The following CSMD1 variants were observed in gnomAD, a reference collection of about 807,000 sequenced individuals.
CSMD1 encodes CUB and Sushi multiple domains 1.
In CSMD1, 213 loss-of-function variants were observed where a neutral mutation model predicts 417.5. The ratio of observed to expected loss-of-function variants is 0.51; its 90% CI spans 0.46 to 0.57. CSMD1 has a LOEUF of 0.57. Ranked by LOEUF, CSMD1 falls within the 20% of genes least tolerant of loss-of-function variation. The pLI is 0.00. For missense variants in CSMD1, 6,923 were observed against 4,529.7 expected, an observed-to-expected ratio of 1.53 and a Z score of -15.17; for synonymous variants, 2,862 against 1,736.8, an observed-to-expected ratio of 1.65 and a Z score of -16.11.
chr8:4,137,073 C>T (rs915909427), intron 3 of CSMD1, among the ~76,000 whole-genome samples: 3 of 152,184 alleles, frequency 2.0e-5, no homozygotes, highest in African/African-American at 7.2e-5. Flanking sequence ...TCCTTTGCTA[C>T]TTCCCTTAGT....
intron 5 of CSMD1, among the ~76,000 whole-genome samples, chr8:3,920,222 A>G (rs574805061): frequency 6.6e-6 from 1 of 152,120 alleles, no homozygotes; most frequent in East Asian, 1.9e-4. Context: ...TTTAGTAAAG[A>G]CAGGGTCTCA....
At chr8:3,592,725 T>G (rs1410631105) in intron 8 of CSMD1, among the ~76,000 whole-genome samples, 1 of 151,984 alleles carries the variant, frequency 6.6e-6, no homozygotes, top group East Asian at 1.9e-4. Flanking sequence ...TGCACAGCTT[T>G]GATTTTTCTT....
chr8:3,967,582 G>A (rs148487852), intron 5 of CSMD1, among the ~76,000 whole-genome samples: 33 of 152,276 alleles, frequency 2.2e-4, no homozygotes, highest in African/African-American at 7.5e-4. Flanking sequence ...CTTGACCTCT[G>A]TGTAGAGTCA....
chr8:3,695,462 G>C (rs1477633578), intron 7 of CSMD1, among the ~76,000 whole-genome samples: 2 of 152,066 alleles, frequency 1.3e-5, no homozygotes, highest in Admixed American at 6.6e-5. Flanking sequence ...ATAAAATCAT[G>C]AGAAATACAA....
intron 46 of CSMD1, among the ~76,000 whole-genome samples, chr8:3,097,903 T>C (rs1204281028): frequency 6.6e-6 from 1 of 152,224 alleles, no homozygotes; most frequent in Non-Finnish European, 1.5e-5. Flanking sequence ...TCCTAAGGGA[T>C]GAATTAATTG....
At chr8:4,271,941 A>G (rs1049385726) in intron 3 of CSMD1, among the ~76,000 whole-genome samples, 4 of 152,156 alleles carry the variant, frequency 2.6e-5, no homozygotes, top group African/African-American at 9.7e-5. Flanking sequence ...TACCTGCCCT[A>G]CAGATCTCAT....
chr8:3,347,203 G>C (rs1808069677), intron 22 of CSMD1, among the ~76,000 whole-genome samples: 1 of 152,252 alleles, frequency 6.6e-6, no homozygotes. Flanking sequence ...TAGTATTATA[G>C]CATTAGCTCT....
chr8:3,423,605 G>C (rs1409281356), intron 12 of CSMD1, among the ~76,000 whole-genome samples: 1 of 152,066 alleles, frequency 6.6e-6, no homozygotes, highest in Non-Finnish European at 1.5e-5. Context: ...CCACTCTGTG[G>C]CTTTGGCACC....
intron 1 of CSMD1, among the ~76,000 whole-genome samples, chr8:4,663,773 G>T (rs1232764932): frequency 1.3e-5 from 2 of 152,136 alleles, no homozygotes; most frequent in Non-Finnish European, 2.9e-5. Flanking sequence ...CGTGAGAATG[G>T]ACTAATGCAC....
At chr8:3,602,061 G>A (rs1282354019) in intron 8 of CSMD1, among the ~76,000 whole-genome samples, 1 of 152,168 alleles carries the variant, frequency 6.6e-6, no homozygotes, top group East Asian at 1.9e-4. Context: ...GAATTCTGGA[G>A]ATGGATGGTG....
rs1243789278 is a variant in CSMD1, at chr8:4,130,557, T to C, written c.416-98458A>G. ...ATTCTTCTTTCCTGGTTCTTTTAAATCAATTACCACTGACCTTATGTTTTC... is the reference window on the plus strand; with the variant it reads ...ATTCTTCTTTCCTGGTTCTTTTAAACCAATTACCACTGACCTTATGTTTTC... On this transcript the variant is annotated intron_variant, in intron 3 of 69. Coordinates refer to ENST00000635120, the MANE Select transcript of CSMD1 (RefSeq NM_033225.6). 2.6e-5 allele frequency among the ~76,000 whole-genome samples: 4 copies of C among 152,298 alleles called. No individual in the cohort carries two copies. The East Asian group carries it at 7.7e-4, about 30-fold the overall frequency.
At chr8:4,678,333 C>G (rs1293589551) in intron 1 of CSMD1, among the ~76,000 whole-genome samples, 1 of 152,016 alleles carries the variant, frequency 6.6e-6, no homozygotes, top group African/African-American at 2.4e-5. Flanking sequence ...ATAACCTGAA[C>G]CCAAGAGGTG....
chr8:4,419,570 T>G (rs1797133149), intron 3 of CSMD1, among the ~76,000 whole-genome samples: 1 of 152,194 alleles, frequency 6.6e-6, no homozygotes, highest in African/African-American at 2.4e-5. Context: ...TGAAATTTCC[T>G]TTACTCAAGC....
chr8:4,454,731 A>C (rs1283705159), intron 2 of CSMD1, among the ~76,000 whole-genome samples: 1 of 152,216 alleles, frequency 6.6e-6, no homozygotes, highest in African/African-American at 2.4e-5. Context: ...TAAATGGATA[A>C]AACTATACTC....
Position 3,496,071 on chromosome 8 carries a change from G to A in CSMD1, c.1345-2345C>T, listed in dbSNP as rs375696704. ...GAAGCTTTCCCCAACCAATGTTCCC[G>A]AAATAGGCTCCGATGTGTGTTGTTC... On this transcript the variant is annotated intron_variant, in intron 10 of 69. Transcript: ENST00000635120. 4.6e-5 allele frequency among the ~76,000 whole-genome samples: 7 copies of A among 152,180 alleles called. No homozygotes were observed. The East Asian group carries it at 1.4e-3, about 29-fold the overall frequency.
intron 1 of CSMD1, among the ~76,000 whole-genome samples, chr8:4,751,222 T>A (rs2117049633): frequency 6.6e-6 from 1 of 152,224 alleles, no homozygotes; most frequent in Non-Finnish European, 1.5e-5. Context: ...CCATCTCTAC[T>A]AAAAATACAC....
intron 13 of CSMD1, among the ~76,000 whole-genome samples, chr8:3,408,721 C>G (rs1812502791): frequency 1.3e-5 from 2 of 152,024 alleles, no homozygotes; most frequent in Admixed American, 1.3e-4. Flanking sequence ...TTGGAAACAT[C>G]AGATCATGTT....
intron 3 of CSMD1, among the ~76,000 whole-genome samples, chr8:4,358,510 G>C (rs935273493): frequency 1.3e-5 from 2 of 152,202 alleles, no homozygotes; most frequent in South Asian, 4.1e-4. Context: ...TGCGATACCA[G>C]CAGAGCTCCG....
chr8:3,535,120 T>A (rs75101910), intron 10 of CSMD1, among the ~76,000 whole-genome samples: 2 of 151,724 alleles, frequency 1.3e-5, no homozygotes, highest in Admixed American at 1.3e-4. Flanking sequence ...CTAATATTTT[T>A]TTTTTTTAAT....
Sources: gnomAD v4.1 joint callset for allele counts (sites outside exome capture counted in the v4.1 genomes callset) on GRCh38, gnomAD v4.1.1 for gene constraint, MANE v1.5 for transcripts, NCBI Gene and HGNC (gene_info 2026-07-23, HGNC 2026-07-21) for gene names.